TANK: variants seen among roughly 807,000 people sequenced by gnomAD.
TANK encodes TRAF family member associated NFKB activator.
In TANK, 15 loss-of-function variants were observed where a neutral mutation model predicts 43.6. The observed-to-expected ratio is 0.34, with a 90% CI of 0.23 to 0.53. TANK has a LOEUF of 0.53. Ranked by LOEUF, TANK falls within the 20% of genes least tolerant of loss-of-function variation. The pLI is 0.94. For missense variants in TANK, 417 were observed against 498.6 expected (o/e 0.84, Z 1.56); for synonymous variants, 162 against 178.2 (o/e 0.91, Z 0.73).
At chr2:161,221,288 A>C (rs1280635751) in intron 4 of TANK, among the ~76,000 whole-genome samples, 2 of 152,142 alleles carry the variant, frequency 1.3e-5, no homozygotes, top group Non-Finnish European at 2.9e-5. Context: ...GAATGATTTA[A>C]TGCTTAAAAT....
intron 2 of TANK, among the ~76,000 whole-genome samples, chr2:161,187,971 A>G (rs758365633): frequency 5.3e-5 from 8 of 152,230 alleles, no homozygotes; most frequent in African/African-American, 1.2e-4. Flanking sequence ...TCAAAAAAGA[A>G]ATCACAAGGG....
At chr2:161,231,589 G>GA in intron 7 of TANK, 38 bp downstream of exon 7, 1 of 1,572,530 alleles carries the variant, frequency 6.4e-7, no homozygotes, top group Non-Finnish European at 8.7e-7. Context: ...TATTATGTGT[G>GA]AACACACATT....
rs1474586363 is a variant in TANK, at chr2:161,231,054, A to G, written c.604A>G (p.Ile202Val). The G allele has an allele frequency of 6.8e-6, 11 of 1,614,206 alleles. No individual in the cohort carries two copies. Among genetic ancestry groups the G allele is most frequent in the East Asian group, 6.7e-5 (3 of 44,888 alleles). ...GTTTAAGCCTCAGGCTAAAGATGAT[A>G]TAAATAGAGGTGCACCATCCATCAC... ...ALFKPQAKDD[I>V]NRGAPSITSV... Residue 202 changes from isoleucine (I) to valine (V), a missense_variant, in exon 7 of 8, where the codon ATA becomes GTA. Physicochemically the swap from Ile to Val is conservative, Grantham distance 29 (BLOSUM62 3). Coordinates refer to ENST00000392749, the MANE Select transcript of TANK (RefSeq NM_001199135.3).
chr2:161,176,163 T>C (rs1685166462), intron 1 of TANK, among the ~76,000 whole-genome samples: 1 of 152,180 alleles, frequency 6.6e-6, no homozygotes, highest in South Asian at 2.1e-4. Flanking sequence ...GAAGATGTAC[T>C]GAAATGTAAT....
chr2:161,140,812 G>T (rs977918989), intron 1 of TANK, among the ~76,000 whole-genome samples: 11 of 147,266 alleles, frequency 7.5e-5, no homozygotes, highest in African/African-American at 2.9e-4. Context: ...GGATAGTAAG[G>T]GTTTTTTTTT....
chr2:161,161,552 C>A, intron 1 of TANK: 1 of 1,385,868 alleles, frequency 7.2e-7, no homozygotes, highest in African/African-American at 1.4e-5. Context: ...GTAATCCAAG[C>A]CTTCCACATC....
chr2:161,141,366 A>C (rs763035422), intron 1 of TANK, among the ~76,000 whole-genome samples: 26 of 152,282 alleles, frequency 1.7e-4, no homozygotes, highest in Non-Finnish European at 1.8e-4. Flanking sequence ...ATACAAGTGC[A>C]GAACATGTAG....
At chr2:161,218,072 A>G (rs569030879) in intron 4 of TANK, among the ~76,000 whole-genome samples, 1 of 152,304 alleles carries the variant, frequency 6.6e-6, no homozygotes, top group Non-Finnish European at 1.5e-5. Flanking sequence ...GCCTATGTTA[A>G]CAAGTGACTC....
rs892043049 is a variant in TANK, at chr2:161,160,481, A to G, written c.-55A>G. 3.2e-6 allele frequency: 4 copies of G among 1,244,134 alleles called. No individual in the cohort carries two copies. The African/African-American group carries it at 6.2e-5, about 19-fold the overall frequency. 77.1% of individuals were successfully genotyped at this position (1,244,134 alleles called of 1,614,324 possible). On this transcript the variant is annotated 5_prime_UTR_variant, in exon 1 of 8. Coordinates refer to ENST00000392749, the MANE Select transcript of TANK (RefSeq NM_001199135.3). Reference sequence around the variant, plus strand: ...GAGAGGGAACGCAGCTGAAAGCGTGAACTGTGTGAGTAAGAAACTTTGTGA... The same window carrying G: ...GAGAGGGAACGCAGCTGAAAGCGTGGACTGTGTGAGTAAGAAACTTTGTGA...
intron 1 of TANK, among the ~76,000 whole-genome samples, chr2:161,172,284 C>G (rs1684976028): frequency 6.6e-6 from 1 of 150,718 alleles, no homozygotes; most frequent in Non-Finnish European, 1.5e-5. Flanking sequence ...ACATCTTGTG[C>G]TATAAGGTGG....
At chr2:161,163,801 A>C (rs1330065140) in intron 1 of TANK, among the ~76,000 whole-genome samples, 2 of 152,232 alleles carry the variant, frequency 1.3e-5, no homozygotes, top group Admixed American at 1.3e-4. Flanking sequence ...AGGTATGTGC[A>C]TGGTATGTGC....
At chr2:161,232,968 G>A in intron 7 of TANK, 1 of 1,032,172 alleles carries the variant, frequency 9.7e-7, no homozygotes, top group Non-Finnish European at 1.3e-6. Context: ...TTACAGTTTA[G>A]GATGGAAAGA....
At chr2:161,219,649 A>T (rs1687257577) in intron 4 of TANK, 13 of 348,000 alleles carry the variant, frequency 3.7e-5, no homozygotes, top group Non-Finnish European at 5.2e-5. Context: ...TCTTTTTGTA[A>T]TTTTTTTTTT....
At chr2:161,201,170 G>A in intron 2 of TANK, 1 of 985,282 alleles carries the variant, frequency 1.0e-6, no homozygotes, top group Non-Finnish European at 1.2e-6. Flanking sequence ...TAAAATTATT[G>A]TAGACTTTGC....
intron 1 of TANK, among the ~76,000 whole-genome samples, chr2:161,151,188 C>T (rs1684070530): frequency 6.6e-6 from 1 of 152,056 alleles, no homozygotes; most frequent in Non-Finnish European, 1.5e-5. Flanking sequence ...TTTTTGTGGC[C>T]TAACATTTGA....
In TANK at chr2:161,218,281, A is replaced by G. The variant is rs138047997; in HGVS notation, c.328-5634A>G. Among the ~76,000 whole-genome samples, 5 of 152,320 alleles carry G rather than the reference A, an allele frequency of 3.3e-5. No homozygotes were observed. The East Asian group carries it at 9.6e-4, about 29-fold the overall frequency. ...ATATATTTTTTATTGTATGACAGGA[A>G]GATTTTAGAATCTTAAAATTAGTTT... On this transcript the variant is annotated intron_variant, in intron 4 of 7. Transcript: ENST00000392749.
intron 4 of TANK, among the ~76,000 whole-genome samples, chr2:161,218,027 C>T (rs1418652137): frequency 6.6e-6 from 1 of 152,114 alleles, no homozygotes; most frequent in Non-Finnish European, 1.5e-5. Flanking sequence ...TTGAGAAATA[C>T]TATGAAATTT....
At chr2:161,137,845 A>G (rs998454540) in intron 1 of TANK, 1 of 152,416 alleles carries the variant, frequency 6.6e-6, no homozygotes, top group Admixed American at 6.5e-5. Flanking sequence ...ATGGTGGTAC[A>G]TGTCTGTAAT....
intron 4 of TANK, among the ~76,000 whole-genome samples, chr2:161,217,060 T>G (rs1687150206): frequency 6.6e-6 from 1 of 152,246 alleles, no homozygotes; most frequent in African/African-American, 2.4e-5. Flanking sequence ...TTGGGTCATA[T>G]AGTACTTACA....
Sources: allele counts gnomAD v4.1 joint callset (sites outside exome capture counted in the v4.1 genomes callset), GRCh38; gene constraint gnomAD v4.1.1; transcripts MANE v1.5; gene names NCBI Gene and HGNC (gene_info 2026-07-23, HGNC 2026-07-21).